Variants in LDLRAD4 observed in about 807,000 individuals in gnomAD.
LDLRAD4 encodes the protein low-density lipoprotein receptor class A domain-containing protein 4.
A neutral mutation model predicts 17.0 loss-of-function variants in LDLRAD4; 5 were observed. The ratio of observed to expected loss-of-function variants is 0.29; its 90% CI spans 0.15 to 0.62. LDLRAD4 has a LOEUF of 0.62. Among genes scored for constraint, LDLRAD4 ranks in the 20% least tolerant of loss-of-function variants. LDLRAD4 has a pLI of 0.84. For synonymous variants in LDLRAD4, 168 were observed against 171.8 expected (o/e 0.98, Z 0.17); for missense variants, 340 against 424.7 (o/e 0.80, Z 1.75).
chr18:13,231,149 C>A (rs908494045), intron 1 of LDLRAD4, among the ~76,000 whole-genome samples: 3 of 152,118 alleles, frequency 2.0e-5, no homozygotes, highest in Non-Finnish European at 4.4e-5. Context: ...CGGGCAGCAT[C>A]GTCTTCGAGT....
chr18:13,608,531 A>G (rs552586857), intron 3 of LDLRAD4, among the ~76,000 whole-genome samples: 7 of 152,160 alleles, frequency 4.6e-5, no homozygotes, highest in African/African-American at 1.7e-4. Flanking sequence ...CCGCTGAGCT[A>G]CTAACTTACC....
chr18:13,542,809 A>G (rs1488173042), intron 3 of LDLRAD4: 2 of 152,180 alleles, frequency 1.3e-5, no homozygotes, highest in Non-Finnish European at 2.9e-5. Flanking sequence ...TGTTTCGAGC[A>G]CAGATCTGCT....
intron 2 of LDLRAD4, among the ~76,000 whole-genome samples, chr18:13,412,119 A>G (rs1333198050): frequency 6.6e-6 from 1 of 152,204 alleles, no homozygotes; most frequent in African/African-American, 2.4e-5. Context: ...TTGAGATTAC[A>G]GGGATGAGCC....
At chr18:13,311,334 A>G (rs894151407) in intron 1 of LDLRAD4, among the ~76,000 whole-genome samples, 1 of 152,228 alleles carries the variant, frequency 6.6e-6, no homozygotes, top group East Asian at 1.9e-4. Flanking sequence ...GCACCTGCCT[A>G]CCGATCCACC....
At chr18:13,262,308 CTG>C (rs1432296677) in intron 1 of LDLRAD4, among the ~76,000 whole-genome samples, 62 of 133,296 alleles carry the variant, frequency 4.7e-4, no homozygotes, top group African/African-American at 5.4e-4. Context: ...CCGTGTGGCT[CTG>C]TGTGTGTGGA....
At chr18:13,425,630 T>C (rs1441426361) in intron 2 of LDLRAD4, among the ~76,000 whole-genome samples, 1 of 152,224 alleles carries the variant, frequency 6.6e-6, no homozygotes, top group Non-Finnish European at 1.5e-5. Flanking sequence ...TCTTTAATGA[T>C]GACAGAATGG....
chr18:13,609,955 C>A (rs1311977260), intron 3 of LDLRAD4, among the ~76,000 whole-genome samples: 1 of 152,094 alleles, frequency 6.6e-6, no homozygotes, highest in Admixed American at 6.5e-5. Flanking sequence ...GCACTCTAGC[C>A]TGGGCGACAC....
intron 3 of LDLRAD4, among the ~76,000 whole-genome samples, chr18:13,559,831 C>A (rs1298673694): frequency 6.6e-6 from 1 of 152,174 alleles, no homozygotes. Context: ...GGCGGGAGAT[C>A]TCTGATGCCT....
intron 1 of LDLRAD4, among the ~76,000 whole-genome samples, chr18:13,337,213 C>A (rs965765251): frequency 4.6e-5 from 7 of 152,160 alleles, no homozygotes; most frequent in African/African-American, 1.4e-4. Context: ...GGGCTTCAGT[C>A]CCATTCGCGC....
intron 1 of LDLRAD4, among the ~76,000 whole-genome samples, chr18:13,250,090 T>G (rs906334376): frequency 3.9e-5 from 6 of 152,190 alleles, no homozygotes; most frequent in African/African-American, 1.4e-4. Flanking sequence ...CCTTAATGAG[T>G]GTTCTTGGCC....
At chr18:13,611,973 C>T (rs1413444540) in intron 3 of LDLRAD4, 1 of 985,338 alleles carries the variant, frequency 1.0e-6, no homozygotes, top group Non-Finnish European at 1.2e-6. Context: ...GTGGGTGCTC[C>T]CAGCCGGGCG....
At chr18:13,332,708 C>T (rs1006364657) in intron 1 of LDLRAD4, among the ~76,000 whole-genome samples, 1 of 151,120 alleles carries the variant, frequency 6.6e-6, no homozygotes, top group Admixed American at 6.6e-5. Flanking sequence ...TCATGTTCTC[C>T]TATGCCTTTT....
At chr18:13,389,553 G>A (rs1023108173) in intron 2 of LDLRAD4, among the ~76,000 whole-genome samples, 1 of 152,186 alleles carries the variant, frequency 6.6e-6, no homozygotes, top group Non-Finnish European at 1.5e-5. Flanking sequence ...GAAAAGAAAA[G>A]GAAGTGAGCA....
intron 3 of LDLRAD4, chr18:13,561,615 T>C (rs2094541693): frequency 6.6e-6 from 1 of 152,128 alleles, no homozygotes; most frequent in Non-Finnish European, 1.5e-5. Flanking sequence ...TCAAGAAACA[T>C]GTTGGGAGAA....
chr18:13,529,560 A>G (rs1490729511), intron 3 of LDLRAD4, among the ~76,000 whole-genome samples: 1 of 152,236 alleles, frequency 6.6e-6, no homozygotes, highest in Non-Finnish European at 1.5e-5. Context: ...TAAATAATAC[A>G]TGCCTTTAGG....
intron 1 of LDLRAD4, among the ~76,000 whole-genome samples, chr18:13,356,659 G>A (rs917846750): frequency 6.6e-6 from 1 of 152,180 alleles, no homozygotes; most frequent in African/African-American, 2.4e-5. Context: ...CAAGTCAGGA[G>A]GTAGAAATTT....
In LDLRAD4 at chr18:13,637,577, G is replaced by A. The variant is rs567392213; in HGVS notation, c.337-5782G>A. 2.9e-3 allele frequency among the ~76,000 whole-genome samples: 434 copies of A among 152,190 alleles called. 2 individuals are homozygous for A. Among genetic ancestry groups the A allele is most frequent in the African/African-American group, 9.5e-3 (396 of 41,538 alleles). On this transcript the variant is annotated intron_variant, in intron 4 of 5. Coordinates refer to ENST00000359446, the Ensembl canonical transcript of LDLRAD4. ...AAGGAATATCTTAAAAGAGATAATG[G>A]AAATTAGGCTGGGCGTGGTGGCTCA...
intron 1 of LDLRAD4, among the ~76,000 whole-genome samples, chr18:13,225,751 G>T (rs1013575243): frequency 6.6e-6 from 1 of 152,116 alleles, no homozygotes; most frequent in Non-Finnish European, 1.5e-5. Flanking sequence ...ATGATTAGTA[G>T]GTTAGTAGAT....
chr18:13,429,412 G>A (rs146255156), intron 2 of LDLRAD4, among the ~76,000 whole-genome samples: 4 of 152,346 alleles, frequency 2.6e-5, no homozygotes, highest in African/African-American at 9.6e-5. Flanking sequence ...GTTAGAGCAT[G>A]TTGGCCTTCT....
Sources: allele counts gnomAD v4.1 joint callset (sites outside exome capture counted in the v4.1 genomes callset), GRCh38; gene constraint gnomAD v4.1.1; transcripts MANE v1.5; gene names NCBI Gene and HGNC (gene_info 2026-07-23, HGNC 2026-07-21).